SCNN1A: variants seen among roughly 807,000 people sequenced by gnomAD.
SCNN1A encodes sodium channel epithelial 1 subunit alpha, also known as epithelial sodium channel subunit alpha.
Under a neutral mutation model 68.6 loss-of-function variants are expected in SCNN1A, and 65 were observed. The observed-to-expected ratio is 0.95, with a 90% CI of 0.78 to 1.16. The LOEUF (loss-of-function observed/expected upper bound fraction) is 1.16. Ranked by LOEUF, SCNN1A falls within the 50% of genes most tolerant of loss-of-function variation. The pLI is 0.00. For missense variants in SCNN1A, 880 were observed against 865.9 expected (o/e 1.02, Z -0.20); for synonymous variants, 357 against 353.3 (o/e 1.01, Z -0.12).
rs1278029666 is a variant in SCNN1A at position 6,349,369 on chromosome 12, G to A, written c.1397C>T (p.Ser466Leu). 3 of 1,609,714 alleles carry A rather than the reference G, an allele frequency of 1.9e-6. No individual in the cohort carries two copies. The change falls in exon 9 of 13, where the codon TCA becomes TTA. Residue 466 changes from serine to leucine, a missense_variant. Transcript: ENST00000228916. The part of the protein sequence containing the change: ...CYYKLQVDFS[S>L]DHLGCFTKCR... Reference sequence around the variant, plus strand: ...CTTGGTGAAACAGCCCAGGTGGTCTGAGGAGAAGTCAACCTGGAGCTTATA... The same window carrying A: ...CTTGGTGAAACAGCCCAGGTGGTCTAAGGAGAAGTCAACCTGGAGCTTATA...
intron 8 of SCNN1A, among the ~76,000 whole-genome samples, chr12:6,353,446 C>T (rs985540708): frequency 1.3e-5 from 2 of 151,982 alleles, no homozygotes; most frequent in Non-Finnish European, 2.9e-5. Flanking sequence ...CCCAGCTAAG[C>T]GCCCTGGGCA....
upstream of SCNN1A, chr12:6,377,168 T>A: frequency 8.4e-7 from 1 of 1,187,140 alleles, no homozygotes; most frequent in South Asian, 1.4e-5. Flanking sequence ...GGTCTGTGGC[T>A]TCCTCTCTTG....
intron 8 of SCNN1A, chr12:6,353,683 G>GC (rs1565477793): frequency 1.6e-5 from 1 of 62,212 alleles, no homozygotes; most frequent in Non-Finnish European, 2.7e-5. Flanking sequence ...TCCGCCTCCC[G>GC]GGTCCACACC....
rs2136908913 is a variant in SCNN1A, at chr12:6,372,769, T to A, written c.416+1599A>T. ...TCTGCAGGCAGCAGGGGGAGAAAAA[T>A]GAGGCTAAGAGGAAGGACCCAAGAG... On this transcript the variant is annotated intron_variant, in intron 2 of 12. Coordinates refer to ENST00000228916, the MANE Select transcript of SCNN1A (RefSeq NM_001038.6). The surrounding 1 kb of genome is among the most constrained non-coding windows in gnomAD (Gnocchi z 5.8). Among the ~76,000 whole-genome samples the A allele has an allele frequency of 6.6e-6, 1 of 151,960 alleles. No homozygotes were observed. Among genetic ancestry groups the A allele is most frequent in the East Asian group, 1.9e-4 (1 of 5,168 alleles).
rs1333173752 is a variant in SCNN1A, at chr12:6,374,599, A to G, written c.185T>C (p.Phe62Ser). The change falls in exon 2 of 13, where the codon TTC (phenylalanine) becomes TCC (serine). Residue 62 changes from phenylalanine to serine, a missense_variant. Transcript: ENST00000228916. This position sits in a 1 kb window ranked among gnomAD's most constrained non-coding sequence, Gnocchi z 6.2. ...GCCGTGGATGGTGGTGTTGTTGCAG[A>G]AGAACTCGAAGAGCTCTCGGTAGGA... ...HRSYRELFEF[F>S]CNNTTIHGAI... The G allele has an allele frequency of 6.2e-7, 1 of 1,613,940 alleles. No individual in the cohort carries two copies. Among genetic ancestry groups the G allele is most frequent in the Non-Finnish European group, 8.5e-7 (1 of 1,179,952 alleles).
At chr12:6,369,766 G>A (rs543926647) in intron 2 of SCNN1A, among the ~76,000 whole-genome samples, 372 of 150,458 alleles carry the variant, frequency 2.5e-3, no homozygotes, top group Middle Eastern at 6.9e-3. Context: ...CCCGGGAGGC[G>A]GAGCTTGCAG....
At chr12:6,368,295 A>G (rs1364661851) in intron 2 of SCNN1A, among the ~76,000 whole-genome samples, 1 of 152,190 alleles carries the variant, frequency 6.6e-6, no homozygotes, top group Admixed American at 6.5e-5. Flanking sequence ...AAGGAAAGTG[A>G]CCCACAGAAA....
At chr12:6,355,023 C>G (rs1021765689) in intron 6 of SCNN1A, among the ~76,000 whole-genome samples, 175 bp from the exon 7 acceptor site, 7 of 152,100 alleles carry the variant, frequency 4.6e-5, no homozygotes, top group African/African-American at 1.7e-4. Flanking sequence ...TTCAAGGCCA[C>G]TAGGCCCAGA....
intron 8 of SCNN1A, chr12:6,353,920 G>C (rs1483789895): frequency 1.3e-5 from 2 of 155,464 alleles, no homozygotes; most frequent in African/African-American, 4.9e-5. Flanking sequence ...ACAATTCCTT[G>C]ACAAACACAC....
At chr12:6,375,148 C>T (rs1592090045) in intron 1 of SCNN1A, 1 of 1,468,908 alleles carries the variant, frequency 6.8e-7, no homozygotes, top group Non-Finnish European at 9.0e-7. Context: ...GTCTCTGCCC[C>T]CTTCCTTTGG....
chr12:6,360,013 C>T (rs1048496058), intron 4 of SCNN1A, among the ~76,000 whole-genome samples: 8 of 152,126 alleles, frequency 5.3e-5, no homozygotes, highest in African/African-American at 1.9e-4. Context: ...TCAGGTGATC[C>T]GCCCATCTCG....
intron 1 of SCNN1A, chr12:6,375,098 A>G (rs965525487): frequency 3.2e-5 from 48 of 1,511,128 alleles, no homozygotes; most frequent in Non-Finnish European, 4.0e-5. Context: ...CTTCCCTGAT[A>G]GGGCCACCTT....
chr12:6,371,294 C>G (rs1948785430), intron 2 of SCNN1A, among the ~76,000 whole-genome samples: 1 of 151,960 alleles, frequency 6.6e-6, no homozygotes, highest in African/African-American at 2.4e-5. Context: ...CCCTGCCACT[C>G]TCCTGAGTAG....
upstream of SCNN1A, chr12:6,375,568 G>A: frequency 6.5e-7 from 1 of 1,532,764 alleles, no homozygotes; most frequent in Non-Finnish European, 8.7e-7. Flanking sequence ...GGAAGCGACA[G>A]GAATCTCATT....
chr12:6,362,323 T>C, intron 3 of SCNN1A, 82 bp from the exon 4 acceptor site: 2 of 1,239,124 alleles, frequency 1.6e-6, no homozygotes, highest in Non-Finnish European at 2.4e-6. Flanking sequence ...GAATGAGTGA[T>C]CTGGGGTTCT....
intron 2 of SCNN1A, among the ~76,000 whole-genome samples, chr12:6,364,941 A>T (rs1948650223): frequency 6.6e-6 from 1 of 152,172 alleles, no homozygotes; most frequent in African/African-American, 2.4e-5. Context: ...AATATATTGA[A>T]ATCCCTGCTG....
chr12:6,369,294 T>TCACG (rs953586046), intron 2 of SCNN1A, among the ~76,000 whole-genome samples: 3 of 108,376 alleles, frequency 2.8e-5, no homozygotes, highest in Non-Finnish European at 5.7e-5. Context: ...GCCACCCTAC[T>TCACG]CACCTCCCTC....
At chr12:6,364,761 C>CAA (rs34075843) in intron 2 of SCNN1A, among the ~76,000 whole-genome samples, 3 of 127,874 alleles carry the variant, frequency 2.3e-5, no homozygotes, top group Non-Finnish European at 5.2e-5. Flanking sequence ...GACTCCGTCT[C>CAA]AAAAAAAAAA....
rs201405513 is a variant in SCNN1A at position 6,358,024 on chromosome 12, TC to T, written c.876-2145del. On this transcript the variant is annotated intron_variant, in intron 4 of 12. Transcript: ENST00000228916. ...CAAAAGAAAAAAAAAGAGCACAGAC[TC>T]CAGAATTAAATTCCTTGTATTTGAA... 1.4e-4 allele frequency among the ~76,000 whole-genome samples: 22 copies of T among 152,256 alleles called. No individual in the cohort carries two copies. The East Asian group carries it at 3.5e-3, about 24-fold the overall frequency.
Sources: gnomAD v4.1 joint callset for allele counts (sites outside exome capture counted in the v4.1 genomes callset) on GRCh38, gnomAD v4.1.1 for gene constraint, Gnocchi (gnomAD v3.1) non-coding constraint, MANE v1.5 for transcripts, NCBI Gene and HGNC (gene_info 2026-07-23, HGNC 2026-07-21) for gene names.